The following UPRT variants were observed in gnomAD, a reference collection of about 807,000 sequenced individuals.
UPRT encodes the protein RP11-311P8.3.
In UPRT, 5 loss-of-function variants were observed where a neutral mutation model predicts 22.6. The observed-to-expected ratio is 0.22, with a 90% CI of 0.12 to 0.47. The LOEUF (loss-of-function observed/expected upper bound fraction) is 0.47. UPRT is among the 20% of genes least tolerant of loss of function. The pLI is 0.99. For synonymous variants in UPRT, 77 were observed against 87.7 expected, an observed-to-expected ratio of 0.88 and a Z score of 0.68; for missense variants, 181 against 239.9, an observed-to-expected ratio of 0.75 and a Z score of 1.62.
At chrX:75,261,273 T>C (rs1303302514) in intron 4 of UPRT, among the ~76,000 whole-genome samples, 1 of 110,471 alleles carries the variant, frequency 9.1e-6, no homozygotes, top group Non-Finnish European at 1.9e-5. Context: ...CTGAAAGAGA[T>C]AGAGATGCAA....
intron 4 of UPRT, among the ~76,000 whole-genome samples, chrX:75,229,613 A>C (rs1485617829): frequency 8.9e-6 from 1 of 111,944 alleles, no homozygotes; most frequent in Non-Finnish European, 1.9e-5. Flanking sequence ...GAAAATCCAG[A>C]TCATGGGAGA....
At chrX:75,270,725 G>A (rs1245393705), upstream of UPRT, among the ~76,000 whole-genome samples, 1 of 110,873 alleles carries the variant, frequency 9.0e-6, no homozygotes, top group South Asian at 3.9e-4. Context: ...ATAGATACAC[G>A]GAGGGGAACA....
chrX:75,186,480 GA>G (rs1326706049), intron 4 of UPRT, among the ~76,000 whole-genome samples: 1 of 111,662 alleles, frequency 9.0e-6, no homozygotes, highest in Non-Finnish European at 1.9e-5. Flanking sequence ...GTGTGGTGCT[GA>G]AAAAAATGTA....
At chrX:75,168,030 C>G (rs921318523) in intron 4 of UPRT, among the ~76,000 whole-genome samples, 2 of 112,138 alleles carry the variant, frequency 1.8e-5, no homozygotes, top group African/African-American at 6.5e-5. Context: ...AAATAATTAG[C>G]AAGTATCATG....
chrX:75,250,726 C>A (rs935150268), intron 4 of UPRT, among the ~76,000 whole-genome samples: 12 of 111,255 alleles, frequency 1.1e-4, no homozygotes, highest in African/African-American at 6.5e-5. Flanking sequence ...CCAGCATCAT[C>A]CTGATACCAA....
chrX:75,238,174 A>G (rs372313841), intron 4 of UPRT, among the ~76,000 whole-genome samples: 2 of 111,615 alleles, frequency 1.8e-5, no homozygotes, highest in Non-Finnish European at 1.9e-5. Context: ...TCTGCTTAAA[A>G]GATGCAGAAT....
chrX:75,209,403 C>T (rs767440046), intron 4 of UPRT, among the ~76,000 whole-genome samples: 4 of 110,755 alleles, frequency 3.6e-5, no homozygotes, highest in Admixed American at 9.6e-5. Flanking sequence ...GACAGAGTTT[C>T]GCTCTTGTCG....
intron 5 of UPRT, among the ~76,000 whole-genome samples, chrX:75,300,648 G>A (rs2082740779): frequency 9.1e-6 from 1 of 110,077 alleles, no homozygotes; most frequent in South Asian, 4.0e-4. Context: ...GTAGCTGGGT[G>A]TGGTGGCACG....
At chrX:75,295,979 G>A (rs2082724502) in intron 2 of UPRT, among the ~76,000 whole-genome samples, 1 of 111,890 alleles carries the variant, frequency 8.9e-6, no homozygotes, top group Non-Finnish European at 1.9e-5. Flanking sequence ...GAAATTCCCA[G>A]TGAGCACTAT....
chrX:75,203,418 A>C (rs2082353031), intron 4 of UPRT, among the ~76,000 whole-genome samples: 2 of 109,091 alleles, frequency 1.8e-5, no homozygotes, highest in Non-Finnish European at 3.8e-5. Context: ...GATATTCAGG[A>C]CTTGAACTCA....
chrX:75,223,944 C>CT, intron 4 of UPRT, among the ~76,000 whole-genome samples: 1 of 111,182 alleles, frequency 9.0e-6, no homozygotes, highest in Non-Finnish European at 1.9e-5. Context: ...TTTCTTCATT[C>CT]TTTTTTTTCT....
chrX:75,190,758 A>C (rs1157356431), intron 4 of UPRT, among the ~76,000 whole-genome samples: 2 of 111,614 alleles, frequency 1.8e-5, no homozygotes. Flanking sequence ...CCTTTCTTCC[A>C]GTTGATTGAA....
At chrX:75,166,669 G>C (rs1324155033) in intron 3 of UPRT, among the ~76,000 whole-genome samples, 1 of 111,530 alleles carries the variant, frequency 9.0e-6, no homozygotes, top group South Asian at 3.7e-4. Flanking sequence ...TAAAATCTGA[G>C]CATATCCAAG....
chrX:75,215,208 G>T (rs1334366056), intron 4 of UPRT, among the ~76,000 whole-genome samples: 2 of 111,316 alleles, frequency 1.8e-5, no homozygotes, highest in Non-Finnish European at 1.9e-5. Flanking sequence ...TTTGTGGCAT[G>T]CAGTGAAAGC....
chrX:75,282,023 A>G (rs191584431), intron 1 of UPRT, among the ~76,000 whole-genome samples: 1 of 110,223 alleles, frequency 9.1e-6, no homozygotes, highest in East Asian at 2.9e-4. Flanking sequence ...GAATTTATCC[A>G]TCTCTTCTGG....
exon 1 of UPRT, chrX:75,156,515 C>T (rs2082180009): frequency 4.3e-6 from 2 of 468,569 alleles, no homozygotes; most frequent in Non-Finnish European, 7.6e-6. Flanking sequence ...TTCTCTTTTC[C>T]TGGAGTTGCC....
chrX:75,188,516 G>T (rs982543062), intron 4 of UPRT, among the ~76,000 whole-genome samples: 1 of 112,829 alleles, frequency 8.9e-6, no homozygotes. Context: ...GCCTACAGAG[G>T]CAGGCAGGCC....
At chrX:75,172,370 G>T (rs772102102) in intron 4 of UPRT, among the ~76,000 whole-genome samples, 69 of 111,311 alleles carry the variant, frequency 6.2e-4, no homozygotes, top group Non-Finnish European at 8.3e-4. Flanking sequence ...GTGGGGGAAA[G>T]CTGGCAGTTA....
At chrX:75,269,847 A>G (rs2082602575), upstream of UPRT, among the ~76,000 whole-genome samples, 1 of 111,783 alleles carries the variant, frequency 8.9e-6, no homozygotes, top group East Asian at 2.8e-4. Context: ...AGGCATGGTC[A>G]AAGACTTCAT....
Sources: gnomAD v4.1 joint callset for allele counts (sites outside exome capture counted in the v4.1 genomes callset) on GRCh38, gnomAD v4.1.1 for gene constraint, MANE v1.5 for transcripts, NCBI Gene and HGNC (gene_info 2026-07-23, HGNC 2026-07-21) for gene names.